The following ZNF831 variants were observed in gnomAD, a reference collection of about 807,000 sequenced individuals.
ZNF831 encodes the protein zinc finger protein 831, also known as chromosome 20 open reading frame 174.
In ZNF831, 59 loss-of-function variants were observed where a neutral mutation model predicts 95.8. The observed-to-expected ratio is 0.62, with a 90% confidence interval of 0.50 to 0.77. ZNF831 has a LOEUF of 0.77. Among genes scored for constraint, ZNF831 ranks in the 30% least tolerant of loss-of-function variants. ZNF831 has a pLI of 0.00. For synonymous variants in ZNF831, 961 were observed against 925.5 expected, an observed-to-expected ratio of 1.04 and a Z score of -0.70; for missense variants, 2,205 against 2,164.0, an observed-to-expected ratio of 1.02 and a Z score of -0.38.
In ZNF831 at chr20:59,228,408, A is replaced by C. The variant is rs371638999; in HGVS notation, c.4027+21352A>C. Among the ~76,000 whole-genome samples the C allele has an allele frequency of 5.3e-5, 8 of 151,516 alleles. No individual in the cohort carries two copies. The East Asian group carries it at 1.6e-3, about 30-fold the overall frequency. On this transcript the variant is annotated intron_variant, in intron 4 of 5. Transcript: ENST00000371030. The stretch of plus-strand genomic sequence containing the variant: ...GTTAGTTGGCTGCTGACAGCCAACT[A>C]ACTTCCATGCTGCCAACCAACTTCC...
At chr20:59,215,238 C>A (rs1222179312) in intron 4 of ZNF831, among the ~76,000 whole-genome samples, 1 of 152,180 alleles carries the variant, frequency 6.6e-6, no homozygotes, top group East Asian at 1.9e-4. Flanking sequence ...TTTTGCTGGG[C>A]ACATTGGAAG....
At position 59,193,765 on chromosome 20, in the gene ZNF831, C is replaced by T. The variant is rs2146589020; in HGVS notation, c.2746C>T (p.His916Tyr). Residue 916 changes from histidine to tyrosine, a missense_variant, in exon 2 of 6, where the codon CAC becomes TAC. Transcript: ENST00000371030. ...LHPAAPAPAE[H>Y]PSLATPPQAP... ...TCCTGCAGCCCCAGCCCCCGCAGAGCACCCCTCGCTGGCCACCCCACCTCA... is the reference window on the plus strand; with the variant it reads ...TCCTGCAGCCCCAGCCCCCGCAGAGTACCCCTCGCTGGCCACCCCACCTCA... The T allele has an allele frequency of 6.2e-7, 1 of 1,607,524 alleles. No individual in the cohort carries two copies. The highest frequency in any genetic ancestry group is 8.5e-7 in the Non-Finnish European group (1 of 1,176,652).
intron 1 of ZNF831, among the ~76,000 whole-genome samples, chr20:59,139,415 AC>A (rs1282107176): frequency 1.3e-5 from 2 of 151,996 alleles, no homozygotes; most frequent in Non-Finnish European, 1.5e-5. Context: ...TTTTTACTCC[AC>A]CCAGCCCCCC....
chr20:59,135,139 CTGGGCTCA>C (rs1438055525), intron 1 of ZNF831, among the ~76,000 whole-genome samples: 3 of 152,190 alleles, frequency 2.0e-5, no homozygotes, highest in Admixed American at 6.5e-5. Flanking sequence ...CACAAGATCA[CTGGGCTCA>C]TGTTCTACTG....
chr20:59,210,684 G>A (rs1050525956), intron 4 of ZNF831, among the ~76,000 whole-genome samples: 1 of 152,130 alleles, frequency 6.6e-6, no homozygotes, highest in Non-Finnish European at 1.5e-5. Context: ...GGTCCTGCAC[G>A]CTCACCCCAT....
chr20:59,160,461 G>A (rs1454311561), upstream of ZNF831: 2 of 152,442 alleles, frequency 1.3e-5, no homozygotes, highest in Admixed American at 6.5e-5. Context: ...CAGCTTGCTT[G>A]TGAGGCTGCG....
rs751922323 is a variant in ZNF831, at chr20:59,192,502, A to T, written c.1483A>T (p.Thr495Ser). Residue 495 changes from threonine to serine, a missense_variant, in exon 2 of 6, where the codon ACC becomes TCC. Thr to Ser is a moderately conservative substitution (Grantham distance 58). Transcript: ENST00000371030. The surrounding 1 kb of genome is among the most constrained non-coding windows in gnomAD (Gnocchi z 5.2). ...CTCCGTCCCCACTCAGCTCTCCACC[A>T]CCGTGGAATGTGTCCCCGTCACCAG... ...FHSVPTQLST[T>S]VECVPVTRSN... 1 of 1,551,086 alleles carries T rather than the reference A, an allele frequency of 6.4e-7. No individual in the cohort carries two copies. The highest frequency in any genetic ancestry group is 2.3e-5 in the East Asian group (1 of 44,200).
rs761139557 is a variant in ZNF831 at position 59,192,778 on chromosome 20, G to C, written c.1759G>C (p.Ala587Pro). 1 of 1,612,536 alleles carries C rather than the reference G, an allele frequency of 6.2e-7. No homozygotes were observed. The highest frequency in any genetic ancestry group is 8.5e-7 in the Non-Finnish European group (1 of 1,179,792). The change falls in exon 2 of 6, where the codon GCA becomes CCA. Residue 587 changes from alanine to proline, a missense_variant. By Grantham distance (27) the Ala-to-Pro change is conservative. Transcript: ENST00000371030. This position sits in a 1 kb window ranked among gnomAD's most constrained non-coding sequence, Gnocchi z 5.2. The stretch of plus-strand genomic sequence containing the variant: ...CCTGGTGCCCGCAGAGGACACAGAC[G>C]CAAAGAGAACTGCTGCGCGGGAGGC... Reference protein sequence around the residue: ...DALVPAEDTDAKRTAAREAMA... With the variant: ...DALVPAEDTDPKRTAAREAMA...
intron 2 of ZNF831, among the ~76,000 whole-genome samples, chr20:59,158,242 G>A (rs1195588423): frequency 6.6e-6 from 1 of 152,244 alleles, no homozygotes; most frequent in East Asian, 1.9e-4. Context: ...ATTGGGCACT[G>A]AGAGGTTGTG....
chr20:59,159,076 A>G (rs961712305), upstream of ZNF831, among the ~76,000 whole-genome samples: 1 of 152,202 alleles, frequency 6.6e-6, no homozygotes, highest in Non-Finnish European at 1.5e-5. Context: ...AAAATATCAC[A>G]TCAATTATTA....
chr20:59,135,822 A>G (rs1262955894), intron 1 of ZNF831, among the ~76,000 whole-genome samples: 1 of 152,168 alleles, frequency 6.6e-6, no homozygotes, highest in African/African-American at 2.4e-5. Context: ...GGTTTTTGCC[A>G]TGACTTTCAG....
At chr20:59,133,570 T>G (rs1979411376) in intron 1 of ZNF831, among the ~76,000 whole-genome samples, 1 of 152,128 alleles carries the variant, frequency 6.6e-6, no homozygotes, top group Non-Finnish European at 1.5e-5. Flanking sequence ...AATTTGACAG[T>G]TGCCAAGGAG....
chr20:59,217,896 G>A lies in ZNF831; in HGVS notation c.4027+10840G>A, dbSNP rs191133050. Among the ~76,000 whole-genome samples the A allele has an allele frequency of 2.6e-5, 4 of 152,286 alleles. No homozygotes were observed. The highest frequency in any genetic ancestry group is 4.1e-4 in the South Asian group (2 of 4,824). On this transcript the variant is annotated intron_variant, in intron 4 of 5. Transcript: ENST00000371030. The surrounding 1 kb of genome is among the most constrained non-coding windows in gnomAD (Gnocchi z 4.4). ...TAGATGTGTTCCTCAGCAGAGGCAC[G>A]ATGGATCAGCCTGCTCTGGGGGGAC...
chr20:59,181,387 T>C (rs1982606051), intron 1 of ZNF831, among the ~76,000 whole-genome samples: 1 of 152,236 alleles, frequency 6.6e-6, no homozygotes, highest in South Asian at 2.1e-4. Flanking sequence ...TTAGATCCCA[T>C]TTGTCAATTT....
rs1049361693 is a variant in ZNF831, at chr20:59,144,627, C to T, written c.-1424-1604C>T. On this transcript the variant is annotated intron_variant, in intron 1 of 7. Transcript: ENST00000637017. ...GGCTTGCCCGAGGCCCTACAGTTGGCGTGCTGTGGAGGGTCTGTCAGCCTC... is the reference window on the plus strand; with the variant it reads ...GGCTTGCCCGAGGCCCTACAGTTGGTGTGCTGTGGAGGGTCTGTCAGCCTC... Among the ~76,000 whole-genome samples, 7 of 152,136 alleles carry T rather than the reference C, an allele frequency of 4.6e-5. No homozygotes were observed. The East Asian group carries it at 7.7e-4, about 17-fold the overall frequency.
chr20:59,179,292 C>T (rs751888504), intron 1 of ZNF831, among the ~76,000 whole-genome samples: 1 of 152,190 alleles, frequency 6.6e-6, no homozygotes, highest in Admixed American at 6.5e-5. Context: ...GTACCTGCTC[C>T]TCTCTGGTTG....
chr20:59,177,722 A>G (rs1303605338), intron 1 of ZNF831, among the ~76,000 whole-genome samples: 6 of 152,152 alleles, frequency 3.9e-5, no homozygotes, highest in Admixed American at 3.9e-4. Flanking sequence ...TCAGCTCCAC[A>G]TGGTCGCTCA....
intron 4 of ZNF831, among the ~76,000 whole-genome samples, chr20:59,236,601 G>T (rs1321968256): frequency 1.6e-5 from 2 of 127,286 alleles, no homozygotes; most frequent in African/African-American, 5.9e-5. Context: ...GCACCATGTT[G>T]TCCAGTCTGG....
At chr20:59,249,749 G>A (rs1987792198) in intron 4 of ZNF831, among the ~76,000 whole-genome samples, 1 of 152,226 alleles carries the variant, frequency 6.6e-6, no homozygotes, top group Non-Finnish European at 1.5e-5. Flanking sequence ...TGGTAATCTA[G>A]TAACTTACCC....
Sources: gnomAD v4.1 joint callset for allele counts (sites outside exome capture counted in the v4.1 genomes callset) on GRCh38, gnomAD v4.1.1 for gene constraint, Gnocchi (gnomAD v3.1) non-coding constraint, MANE v1.5 for transcripts, NCBI Gene and HGNC (gene_info 2026-07-23, HGNC 2026-07-21) for gene names.